GTPBP8: variants seen among roughly 807,000 people sequenced by gnomAD.
GTPBP8 encodes the protein GTP binding protein 8, also known as GTP-binding protein 8.
In GTPBP8, 21 loss-of-function variants were observed where a neutral mutation model predicts 27.3. That is an observed-to-expected ratio of 0.77 (90% CI 0.55 to 1.11). GTPBP8 has a LOEUF of 1.11. GTPBP8 is among the 50% of genes least tolerant of loss of function. The pLI is 0.00. For missense variants in GTPBP8, 380 were observed against 350.8 expected (o/e 1.08, Z -0.67); for synonymous variants, 147 against 135.3 (o/e 1.09, Z -0.60).
chr3:112,999,564 G>C lies in GTPBP8; in HGVS notation c.785G>C (p.Ser262Thr). The C allele has an allele frequency of 1.8e-6, 2 of 1,130,480 alleles. No homozygotes were observed. The highest frequency in any genetic ancestry group is 2.6e-6 in the Non-Finnish European group (2 of 779,574). The allele number at this position is 1,130,480 out of a possible 1,614,324, so 70.0% of individuals were successfully genotyped here. A position where few individuals can be genotyped will look rare whatever the true frequency, so the allele number is the denominator to read the frequency against. Residue 262 changes from serine to threonine, a missense_variant and splice_region_variant, in exon 5 of 6, where the codon AGT (serine) becomes ACT (threonine). By Grantham distance (58) the Ser-to-Thr change is moderately conservative. Coordinates refer to ENST00000383678, the MANE Select transcript of GTPBP8 (RefSeq NM_014170.4). ...TGTTTTCCTCAGTTGTTTCCTGTAA[G>C]GTAAGAGTTGAATTGTTTTGTTTTT... ...QGCFPQLFPV[S>T]AVTFSGIHLL...
chr3:112,992,956 AG>A, intron 1 of GTPBP8, 69 bp from the exon 2 acceptor site: 1 of 759,972 alleles, frequency 1.3e-6, no homozygotes, highest in Non-Finnish European at 2.2e-6. Context: ...TAGAATTTGA[AG>A]TTTTTTACAT....
intron 1 of GTPBP8, among the ~76,000 whole-genome samples, chr3:112,992,749 T>C (rs996789049): frequency 6.6e-6 from 1 of 152,248 alleles, no homozygotes; most frequent in Non-Finnish European, 1.5e-5. Context: ...ATTCTAGATA[T>C]ACATGTCCTG....
chr3:112,998,798 GC>G (rs1576168334), intron 4 of GTPBP8, among the ~76,000 whole-genome samples: 3 of 152,150 alleles, frequency 2.0e-5, no homozygotes, highest in Admixed American at 2.0e-4. Context: ...CCACACTCCT[GC>G]CATTAGCATC....
intron 4 of GTPBP8, among the ~76,000 whole-genome samples, chr3:112,997,617 A>G (rs1933810823): frequency 6.6e-6 from 1 of 152,244 alleles, no homozygotes; most frequent in Admixed American, 6.5e-5. Context: ...TTTCCAAAGA[A>G]AAGTGAAGAA....
rs146268536 is a variant in GTPBP8 at position 112,991,147 on chromosome 3, C to G, written c.148C>G (p.Pro50Ala). 5 of 1,614,092 alleles carry G rather than the reference C, an allele frequency of 3.1e-6. No individual in the cohort carries two copies. Among genetic ancestry groups the G allele is most frequent in the Non-Finnish European group, 4.2e-6 (5 of 1,180,034 alleles). ...PKQQLRKLLY[P>A]LQEVERFLAP... The stretch of plus-strand genomic sequence containing the variant: ...GCAGCAGCTGAGGAAGCTGCTGTAC[C>G]CGCTGCAGGAAGTAGAGCGGTTCCT... The change falls in exon 1 of 6, where the codon CCG becomes GCG. Residue 50 changes from proline to alanine, a missense_variant. Transcript: ENST00000383678.
chr3:112,991,904 C>T (rs1933689081), intron 1 of GTPBP8: 1 of 245,688 alleles, frequency 4.1e-6, no homozygotes, highest in Non-Finnish European at 8.1e-6. Context: ...ATTTTTATAA[C>T]AACGTTTATT....
chr3:112,991,432 T>G (rs749471703), intron 1 of GTPBP8, 97 bp downstream of exon 1: 11 of 1,089,052 alleles, frequency 1.0e-5, no homozygotes, highest in Middle Eastern at 3.9e-4. Flanking sequence ...CGGTTGTATT[T>G]TCTAGCTTTA....
Position 113,001,560 on chromosome 3 carries a change from A to G in GTPBP8, c.*641A>G, listed in dbSNP as rs1345853386. Reference sequence around the variant, plus strand: ...TACTGTAAACGTGAAAGCTATTAAGATTCAAATGAATGGTTTTACAGCAGG... The same window carrying G: ...TACTGTAAACGTGAAAGCTATTAAGGTTCAAATGAATGGTTTTACAGCAGG... On this transcript the variant is annotated 3_prime_UTR_variant, in exon 6 of 6. Coordinates refer to ENST00000383678, the MANE Select transcript of GTPBP8 (RefSeq NM_014170.4). 3.3e-5 allele frequency: 5 copies of G among 152,236 alleles called. No homozygotes were observed. The highest frequency in any genetic ancestry group is 7.3e-5 in the Non-Finnish European group (5 of 68,046). 9.4% of individuals were successfully genotyped at this position (152,236 alleles called of 1,614,324 possible).
chr3:112,991,509 G>T, intron 1 of GTPBP8, 174 bp downstream of exon 1: 1 of 722,528 alleles, frequency 1.4e-6, no homozygotes, highest in Non-Finnish European at 2.5e-6. Context: ...GGGGATACCC[G>T]AGAAACCCAT....
chr3:112,997,021 A>G (rs971782535), intron 4 of GTPBP8, 30 bp downstream of exon 4: 7 of 986,146 alleles, frequency 7.1e-6, no homozygotes, highest in Admixed American at 1.7e-5. Context: ...CATGGTTGCA[A>G]TTAGAAATAT....
chr3:112,995,220 A>T lies in GTPBP8; in HGVS notation c.521A>T (p.Glu174Val), dbSNP rs1305480357. 1.2e-6 allele frequency: 2 copies of T among 1,609,140 alleles called. No individual in the cohort carries two copies. The highest frequency in any genetic ancestry group is 1.7e-6 in the Non-Finnish European group (2 of 1,176,462). The stretch of plus-strand genomic sequence containing the variant: ...CCAGGTTATGGCTTTAGAGCACCTG[A>T]AGATTTTGTTGACATGGTAGAGACC... ...DMPGYGFRAPEDFVDMVETYL... is the reference protein window; with the variant it reads ...DMPGYGFRAPVDFVDMVETYL... The change falls in exon 3 of 6, where the codon GAA becomes GTA. Residue 174 changes from glutamate (E) to valine (V), a missense_variant. Glu to Val is a moderately radical substitution (Grantham distance 121). Transcript: ENST00000383678.
Position 113,001,013 on chromosome 3 carries a change from ATGT to A in GTPBP8, c.*98_*100del, listed in dbSNP as rs1384168225. The A allele has an allele frequency of 2.7e-5, 20 of 728,174 alleles. No homozygotes were observed. Among genetic ancestry groups the A allele is most frequent in the Non-Finnish European group, 4.4e-5 (19 of 429,354 alleles). The allele number at this position is 728,174 out of a possible 1,614,324, so 45.1% of individuals were successfully genotyped here. Reference sequence around the variant, plus strand: ...TAGAAGAATTTCAACATTGTTTTAAATGTTGTGCATCTGTAACTTCAGGAGGAT... The same window carrying A: ...TAGAAGAATTTCAACATTGTTTTAAATGTGCATCTGTAACTTCAGGAGGAT... On this transcript the variant is annotated 3_prime_UTR_variant, in exon 6 of 6. Coordinates refer to ENST00000383678, the MANE Select transcript of GTPBP8 (RefSeq NM_014170.4).
intron 1 of GTPBP8, chr3:112,991,536 C>T (rs1442077024): frequency 2.8e-6 from 2 of 703,396 alleles, no homozygotes; most frequent in Middle Eastern, 2.3e-4. Flanking sequence ...GTACAAAATG[C>T]AGTCAATACC....
rs34779191 is a variant in GTPBP8 at position 113,000,944 on chromosome 3, CAAAA to C, written c.*38_*41del. ...ATGGTTCCCGGTTTAGCTGAAGATT[CAAAA>C]AAAAAAAAAAAAGCTTTATGCTAAC... On this transcript the variant is annotated 3_prime_UTR_variant, in exon 6 of 6. Transcript: ENST00000383678. 6.1e-4 allele frequency: 499 copies of C among 815,622 alleles called. No homozygotes were observed. Among genetic ancestry groups the C allele is most frequent in the South Asian group, 1.0e-3 (60 of 59,534 alleles). The allele number at this position is 815,622 out of a possible 1,614,324, so 50.5% of individuals were successfully genotyped here. A position where few individuals can be genotyped will look rare whatever the true frequency, so the allele number is the denominator to read the frequency against.
Position 112,991,151 on chromosome 3 carries a change from T to A in GTPBP8, c.152T>A (p.Leu51Gln). ...KQQLRKLLYPLQEVERFLAPY... is the reference protein window; with the variant it reads ...KQQLRKLLYPQQEVERFLAPY... ...CAGCTGAGGAAGCTGCTGTACCCGC[T>A]GCAGGAAGTAGAGCGGTTCCTCGCC... Residue 51 changes from leucine to glutamine, a missense_variant, in exon 1 of 6, where the codon CTG becomes CAG. Transcript: ENST00000383678. 1 of 1,614,114 alleles carries A rather than the reference T, an allele frequency of 6.2e-7. No individual in the cohort carries two copies. Among genetic ancestry groups the A allele is most frequent in the South Asian group, 1.1e-5 (1 of 91,082 alleles).
At position 112,991,023 on chromosome 3, in the gene GTPBP8, G is replaced by A. The variant is rs748868255; in HGVS notation, c.24G>A (p.Leu8=). 6 of 1,597,142 alleles carry A rather than the reference G, an allele frequency of 3.8e-6. No homozygotes were observed. The highest frequency in any genetic ancestry group is 5.1e-6 in the Non-Finnish European group (6 of 1,168,514). The change falls in exon 1 of 6, where the codon CTG becomes CTA. Residue 8 remains leucine (L), a synonymous_variant. Coordinates refer to ENST00000383678, the MANE Select transcript of GTPBP8 (RefSeq NM_014170.4). MAAPGLR[L]GAGRLFEMPA... ...GAATGGCGGCGCCCGGGCTGCGGCTGGGAGCGGGAAGACTCTTTGAAATGC... is the reference window on the plus strand; with the variant it reads ...GAATGGCGGCGCCCGGGCTGCGGCTAGGAGCGGGAAGACTCTTTGAAATGC...
intron 4 of GTPBP8, among the ~76,000 whole-genome samples, chr3:112,998,568 G>A (rs1051478599): frequency 2.6e-5 from 4 of 152,052 alleles, no homozygotes; most frequent in African/African-American, 9.7e-5. Context: ...AGGGTATGAG[G>A]TGGGACCCTC....
intron 1 of GTPBP8, chr3:112,991,707 T>G (rs951253494): frequency 2.5e-6 from 1 of 402,790 alleles, no homozygotes; most frequent in African/African-American, 2.1e-5. Flanking sequence ...AACTCTCCTT[T>G]TTTCTTCTAT....
chr3:112,992,555 T>C (rs930462209), intron 1 of GTPBP8: 1 of 153,214 alleles, frequency 6.5e-6, no homozygotes, highest in African/African-American at 2.4e-5. Context: ...GTTTTTAAAT[T>C]GCAGTGGTGT....
Sources: gnomAD v4.1 joint callset for allele counts (sites outside exome capture counted in the v4.1 genomes callset) on GRCh38, gnomAD v4.1.1 for gene constraint, MANE v1.5 for transcripts, NCBI Gene and HGNC (gene_info 2026-07-23, HGNC 2026-07-21) for gene names.